The following NTN1 variants were observed in gnomAD, a reference collection of about 807,000 sequenced individuals.
The protein encoded by NTN1 is netrin-1.
Under a neutral mutation model 54.2 loss-of-function variants are expected in NTN1, and 11 were observed. That is an observed-to-expected ratio of 0.20 (90% CI 0.13 to 0.34). NTN1 has a LOEUF of 0.34. NTN1 is among the 10% of genes least tolerant of loss of function. The probability of loss-of-function intolerance (pLI) is 1.00; values close to 1 mark genes in which losing one functional copy is unlikely to be tolerated. For missense variants in NTN1, 740 were observed against 893.1 expected, an observed-to-expected ratio of 0.83 and a Z score of 2.18; for synonymous variants, 371 against 382.0, an observed-to-expected ratio of 0.97 and a Z score of 0.33.
the NTN1 span, among the ~76,000 whole-genome samples, chr17:9,004,921 T>G: frequency 2.0e-5 from 3 of 152,214 alleles, no homozygotes; most frequent in African/African-American, 7.2e-5. Context: ...GTCCCAGGTG[T>G]GTAGGGGAGA....
At chr17:9,208,984 C>T (rs1199170665) in intron 5 of NTN1, among the ~76,000 whole-genome samples, 2 of 152,246 alleles carry the variant, frequency 1.3e-5, no homozygotes, top group Non-Finnish European at 2.9e-5. Flanking sequence ...GCCTTTCCCA[C>T]TGGCCTGCCA....
chr17:9,188,197 G>A (rs879719423), intron 5 of NTN1, among the ~76,000 whole-genome samples: 5 of 152,160 alleles, frequency 3.3e-5, no homozygotes, highest in Non-Finnish European at 7.4e-5. Context: ...GGGAGGCCAA[G>A]GTGGACAGAT....
At chr17:9,087,230 G>A (rs1238776474) in intron 2 of NTN1, among the ~76,000 whole-genome samples, 2 of 152,152 alleles carry the variant, frequency 1.3e-5, no homozygotes, top group East Asian at 3.8e-4. Context: ...GCTAGGTGGG[G>A]TGGGGTCTGA....
At position 9,239,931 on chromosome 17, in the gene NTN1, A is replaced by G. The variant is rs778747963; in HGVS notation, c.1778A>G (p.Gln593Arg). The part of the protein sequence containing the change: ...DTWARRLRKF[Q>R]QREKKGKCKK... ...TGGGCGCGGCGGCTGCGCAAGTTCC[A>G]GCAGCGTGAGAAGAAGGGCAAGTGC... is the stretch of plus-strand genomic sequence containing the variant. The change falls in exon 7 of 7, where the codon CAG becomes CGG. Residue 593 changes from glutamine (Q) to arginine (R), a missense_variant. By Grantham distance (43) the Gln-to-Arg change is conservative. Coordinates refer to ENST00000173229, the MANE Select transcript of NTN1 (RefSeq NM_004822.3). The surrounding 1 kb of genome is among the most constrained non-coding windows in gnomAD (Gnocchi z 5.2). The G allele has an allele frequency of 2.9e-6, 4 of 1,360,856 alleles. No homozygotes were observed. Among genetic ancestry groups the G allele is most frequent in the Non-Finnish European group, 3.9e-6 (4 of 1,025,732 alleles). 84.3% of individuals were successfully genotyped at this position (1,360,856 alleles called of 1,614,324 possible).
the NTN1 span, among the ~76,000 whole-genome samples, chr17:9,016,097 AC>A: frequency 5.9e-5 from 9 of 151,860 alleles, no homozygotes; most frequent in South Asian, 1.3e-3. Flanking sequence ...AAACAAAAAA[AC>A]CCCCACAAAA....
In NTN1 at chr17:9,063,641, G is replaced by A. The variant is rs142506896; in HGVS notation, c.1018+40250G>A. ...CAGCTCACTGCAAGCTCTGCCTCCC[G>A]GGTTCATGCCATTCTCCTGCCTCAG... is the stretch of plus-strand genomic sequence containing the variant. On this transcript the variant is annotated intron_variant, in intron 2 of 6. Coordinates refer to ENST00000173229, the MANE Select transcript of NTN1 (RefSeq NM_004822.3). Among the ~76,000 whole-genome samples, 1,075 of 151,844 alleles carry A rather than the reference G, an allele frequency of 7.1e-3. 22 individuals carry two copies. The highest frequency in any genetic ancestry group is 0.024 in the African/African-American group (1,014 of 41,392).
intron 5 of NTN1, among the ~76,000 whole-genome samples, chr17:9,193,858 T>C (rs1597530717): frequency 7.4e-6 from 1 of 135,284 alleles, no homozygotes; most frequent in African/African-American, 2.8e-5. Flanking sequence ...GAGGTAGAGG[T>C]TGCAGTGATC....
intron 2 of NTN1, among the ~76,000 whole-genome samples, chr17:9,138,910 G>T (rs978791486): frequency 9.2e-5 from 14 of 152,146 alleles, no homozygotes; most frequent in Non-Finnish European, 1.5e-4. Context: ...GGGTGGTTGG[G>T]GCAGTGAGCA....
At position 9,023,245 on chromosome 17, in the gene NTN1, C is replaced by G; in HGVS notation, c.872C>G (p.Ala291Gly). 1 of 1,565,520 alleles carries G rather than the reference C, an allele frequency of 6.4e-7. No homozygotes were observed. Among genetic ancestry groups the G allele is most frequent in the Non-Finnish European group, 8.7e-7 (1 of 1,155,918 alleles). Residue 291 changes from alanine to glycine, a missense_variant, in exon 2 of 7, where the codon GCG (alanine) becomes GGG (glycine). Coordinates refer to ENST00000173229, the MANE Select transcript of NTN1 (RefSeq NM_004822.3). ...GGCCGGTGCAAGTGCAACGGCCACG[C>G]GGCCCGCTGCGTGCGCGACCGCGAC... ...VGGRCKCNGH[A>G]ARCVRDRDDS... is the part of the protein sequence containing the mutation.
chr17:9,073,454 A>T (rs2092039268), intron 2 of NTN1, among the ~76,000 whole-genome samples: 1 of 152,202 alleles, frequency 6.6e-6, no homozygotes, highest in Admixed American at 6.5e-5. Flanking sequence ...ATAGCCTGGG[A>T]TGGAAATCCG....
intron 2 of NTN1, among the ~76,000 whole-genome samples, chr17:9,156,623 A>T (rs1429186895): frequency 1.3e-5 from 2 of 152,192 alleles, no homozygotes; most frequent in African/African-American, 4.8e-5. Context: ...AAAACAATGG[A>T]TGCAGATTCA....
At chr17:9,156,563 G>T (rs957841089) in intron 2 of NTN1, among the ~76,000 whole-genome samples, 1 of 152,186 alleles carries the variant, frequency 6.6e-6, no homozygotes, top group Non-Finnish European at 1.5e-5. Flanking sequence ...GAGTAAGTTC[G>T]CCAGGGTCTT....
intron 2 of NTN1, among the ~76,000 whole-genome samples, chr17:9,057,427 C>G (rs1475507731): frequency 6.6e-6 from 1 of 152,128 alleles, no homozygotes; most frequent in Non-Finnish European, 1.5e-5. Flanking sequence ...ATTGCCCGGG[C>G]TTATCACTAT....
chr17:9,225,266 T>TA (rs372623725), intron 6 of NTN1, among the ~76,000 whole-genome samples: 4,993 of 150,686 alleles, frequency 0.033, 283 homozygotes, highest in African/African-American at 0.12. Flanking sequence ...AAAAAAAAAA[T>TA]AAATAAAAAG....
At chr17:9,167,328 C>T (rs146431832) in intron 3 of NTN1, among the ~76,000 whole-genome samples, 24 of 152,250 alleles carry the variant, frequency 1.6e-4, no homozygotes, top group Admixed American at 4.6e-4. Flanking sequence ...CGGGCAAAGA[C>T]GACCAAAGAC....
the NTN1 span, among the ~76,000 whole-genome samples, chr17:9,015,569 G>A: frequency 1.3e-5 from 2 of 151,902 alleles, no homozygotes; most frequent in Non-Finnish European, 2.9e-5. Context: ...TGGTGCCCCC[G>A]TTCCTGGAGT....
intron 6 of NTN1, among the ~76,000 whole-genome samples, chr17:9,232,780 G>A (rs924747737): frequency 2.6e-5 from 4 of 152,106 alleles, no homozygotes; most frequent in Non-Finnish European, 4.4e-5. Flanking sequence ...CACACTCCCC[G>A]GCAAGGAGTC....
chr17:9,164,799 A>T (rs1001143893), intron 3 of NTN1, among the ~76,000 whole-genome samples: 10 of 152,176 alleles, frequency 6.6e-5, no homozygotes, highest in Non-Finnish European at 1.3e-4. Context: ...CACATTTTTT[A>T]AAAAATCACG....
chr17:9,163,465 A>G (rs1467986769), intron 3 of NTN1, among the ~76,000 whole-genome samples: 1 of 71,958 alleles, frequency 1.4e-5, no homozygotes, highest in South Asian at 4.8e-4. Flanking sequence ...ACCGCCCCTC[A>G]CTCCCCCCCG....
Sources: allele counts gnomAD v4.1 joint callset (sites outside exome capture counted in the v4.1 genomes callset), GRCh38; gene constraint gnomAD v4.1.1; non-coding constraint Gnocchi (gnomAD v3.1); transcripts MANE v1.5; gene names NCBI Gene and HGNC (gene_info 2026-07-23, HGNC 2026-07-21).